The following NT5DC3 variants were observed in gnomAD, a reference collection of about 807,000 sequenced individuals.
NT5DC3 encodes 5'-nucleotidase domain-containing protein 3.
In NT5DC3, 42 loss-of-function variants were observed where a neutral mutation model predicts 67.8. The ratio of observed to expected loss-of-function variants is 0.62; its 90% CI spans 0.48 to 0.80. The LOEUF is 0.80. Ranked by LOEUF, NT5DC3 falls within the 30% of genes least tolerant of loss-of-function variation. NT5DC3 has a pLI of 0.00. For missense variants in NT5DC3, 570 were observed against 696.4 expected, an observed-to-expected ratio of 0.82 and a Z score of 2.04; for synonymous variants, 237 against 255.6, an observed-to-expected ratio of 0.93 and a Z score of 0.69.
the NT5DC3 span, among the ~76,000 whole-genome samples, chr12:103,750,905 A>G: frequency 6.6e-6 from 1 of 152,270 alleles, no homozygotes; most frequent in Non-Finnish European, 1.5e-5. Context: ...AGCCCGGCCA[A>G]CATGGCAAAA....
intron 1 of NT5DC3, among the ~76,000 whole-genome samples, chr12:103,835,189 C>T (rs556574722): frequency 6.6e-6 from 1 of 152,342 alleles, no homozygotes; most frequent in South Asian, 2.1e-4. Flanking sequence ...TTCAAACCCA[C>T]TGCTGGGTGC....
chr12:103,761,360 G>A, the NT5DC3 span: 1 of 1,614,084 alleles, frequency 6.2e-7, no homozygotes. Flanking sequence ...TGCCTCCAAT[G>A]GGATCATTCA....
At chr12:103,763,877 C>G in the NT5DC3 span, 1 of 308,310 alleles carries the variant, frequency 3.2e-6, no homozygotes. Context: ...AATCTCATGA[C>G]CAGGTGAGAT....
At chr12:103,814,681 G>A (rs138692988) in intron 2 of NT5DC3, among the ~76,000 whole-genome samples, 119 of 152,302 alleles carry the variant, frequency 7.8e-4, no homozygotes, top group African/African-American at 2.6e-3. Flanking sequence ...AAAGACGAGA[G>A]TGTAAATATC....
chr12:103,756,966 T>A, the NT5DC3 span, among the ~76,000 whole-genome samples: 1 of 143,972 alleles, frequency 6.9e-6, no homozygotes. Flanking sequence ...ACCTACCTTC[T>A]CTGGGCCTCA....
the NT5DC3 span, among the ~76,000 whole-genome samples, chr12:103,751,500 TG>T: frequency 6.6e-6 from 1 of 152,094 alleles, no homozygotes; most frequent in Non-Finnish European, 1.5e-5. Flanking sequence ...TTAAAGCAGC[TG>T]GGGAGGGAAG....
chr12:103,820,920 G>A (rs920426633), intron 1 of NT5DC3: 5 of 152,220 alleles, frequency 3.3e-5, no homozygotes, highest in African/African-American at 1.2e-4. Flanking sequence ...CAGTGTGGCT[G>A]TGCCATCTCA....
the NT5DC3 span, chr12:103,758,209 G>A: frequency 1.2e-6 from 2 of 1,613,998 alleles, no homozygotes; most frequent in Non-Finnish European, 1.7e-6. Flanking sequence ...TCGAGGCCGT[G>A]CATTTCTAGA....
At chr12:103,758,034 C>A in the NT5DC3 span, 1 of 1,309,466 alleles carries the variant, frequency 7.6e-7, no homozygotes, top group Non-Finnish European at 1.0e-6. Context: ...GCAGAAGACA[C>A]AGCAAAGGAG....
chr12:103,763,354 G>GA, the NT5DC3 span: 1 of 676,156 alleles, frequency 1.5e-6, no homozygotes, highest in Admixed American at 2.3e-5. Flanking sequence ...TATTATATGT[G>GA]AATCATCTCT....
At chr12:103,759,058 G>A in the NT5DC3 span, 15,838 of 1,610,514 alleles carry the variant, frequency 9.8e-3, 728 homozygotes, top group East Asian at 0.091. Flanking sequence ...AATTTTCTTC[G>A]TCATCCCCAT....
chr12:103,791,714 G>A (rs1356042756), intron 9 of NT5DC3, among the ~76,000 whole-genome samples: 1 of 152,190 alleles, frequency 6.6e-6, no homozygotes, highest in African/African-American at 2.4e-5. Context: ...AGCAGGAGGC[G>A]AGCGTCCAGT....
At position 103,839,851 on chromosome 12, in the gene NT5DC3, T is replaced by C. The variant is rs553887155; in HGVS notation, c.208+1098A>G. Among the ~76,000 whole-genome samples the C allele has an allele frequency of 1.2e-3, 185 of 152,326 alleles. 2 individuals carry two copies. The highest frequency in any genetic ancestry group is 4.4e-3 in the African/African-American group (182 of 41,562). The stretch of plus-strand genomic sequence containing the variant: ...TGAAAATCACTCCAATTTGCTTTTT[T>C]CATTAAACTGACTTCTGGCCAAAAA... On this transcript the variant is annotated intron_variant, in intron 1 of 13. Transcript: ENST00000392876.
intron 4 of NT5DC3, among the ~76,000 whole-genome samples, chr12:103,805,406 A>T (rs1886755773): frequency 6.6e-6 from 1 of 152,218 alleles, no homozygotes; most frequent in South Asian, 2.1e-4. Context: ...AAAAATAAAC[A>T]AGCATTAATT....
chr12:103,826,257 T>G (rs145455401), intron 1 of NT5DC3, among the ~76,000 whole-genome samples: 1 of 152,216 alleles, frequency 6.6e-6, no homozygotes, highest in Non-Finnish European at 1.5e-5. Context: ...TCCAAAGATA[T>G]CCACGTCCTA....
At chr12:103,753,223 C>A in the NT5DC3 span, 1 of 1,614,134 alleles carries the variant, frequency 6.2e-7, no homozygotes, top group Non-Finnish European at 8.5e-7. Context: ...CATCCAGATA[C>A]CACTGTTGGG....
At chr12:103,839,682 A>G (rs569366172) in intron 1 of NT5DC3, among the ~76,000 whole-genome samples, 3 of 152,300 alleles carry the variant, frequency 2.0e-5, no homozygotes, top group East Asian at 1.9e-4. Context: ...AAAATTCCCA[A>G]TGTCTCCAAA....
At chr12:103,806,711 A>C in intron 3 of NT5DC3, 144 bp downstream of exon 3, 2 of 615,598 alleles carry the variant, frequency 3.2e-6, no homozygotes, top group Non-Finnish European at 5.8e-6. Flanking sequence ...GATTCTATCC[A>C]AATATATGTG....
chr12:103,762,920 C>CG, the NT5DC3 span, among the ~76,000 whole-genome samples: 4 of 152,160 alleles, frequency 2.6e-5, no homozygotes, highest in Non-Finnish European at 5.9e-5. Context: ...AGAATATGGC[C>CG]GGGGCAGCAG....
Sources: gnomAD v4.1 joint callset for allele counts (sites outside exome capture counted in the v4.1 genomes callset) on GRCh38, gnomAD v4.1.1 for gene constraint, MANE v1.5 for transcripts, NCBI Gene and HGNC (gene_info 2026-07-23, HGNC 2026-07-21) for gene names.